Variants in TNFRSF13B observed in about 807,000 individuals in gnomAD.
TNFRSF13B encodes the protein TNF receptor superfamily member 13B.
TNFRSF13B carries 34 observed loss-of-function variants against 24.0 expected under a neutral mutation model. The ratio of observed to expected loss-of-function variants is 1.41; its 90% confidence interval spans 1.08 to 1.88. TNFRSF13B has a LOEUF of 1.88. Among genes scored for constraint, TNFRSF13B ranks in the 40% most tolerant of loss-of-function variants. The probability of loss-of-function intolerance (pLI) is 0.00; values close to 1 mark genes in which losing one functional copy is unlikely to be tolerated. For synonymous variants in TNFRSF13B, 173 were observed against 150.3 expected, an observed-to-expected ratio of 1.15 and a Z score of -1.10; for missense variants, 415 against 380.8, an observed-to-expected ratio of 1.09 and a Z score of -0.75.
At chr17:16,946,806 T>G (rs2087552947) in intron 3 of TNFRSF13B, among the ~76,000 whole-genome samples, 1 of 152,162 alleles carries the variant, frequency 6.6e-6, no homozygotes, top group South Asian at 2.1e-4. Flanking sequence ...CCGGCTGATC[T>G]TGAACTCCGA....
chr17:16,962,155 TA>T, intron 1 of TNFRSF13B, among the ~76,000 whole-genome samples: 1 of 152,164 alleles, frequency 6.6e-6, no homozygotes, highest in Non-Finnish European at 1.5e-5. Context: ...GGAGATGAAT[TA>T]CCTGCATGGA....
intron 1 of TNFRSF13B, among the ~76,000 whole-genome samples, chr17:16,963,797 G>A (rs145802221): frequency 0.027 from 4,039 of 152,260 alleles, 73 homozygotes; most frequent in Middle Eastern, 0.037. Context: ...TGATCCACCC[G>A]CCTCGGCCTC....
intron 2 of TNFRSF13B, among the ~76,000 whole-genome samples, chr17:16,949,808 C>T (rs1020386137): frequency 6.6e-6 from 1 of 152,014 alleles, no homozygotes; most frequent in Non-Finnish European, 1.5e-5. Flanking sequence ...GCCTCAGCCT[C>T]CCGAGTAGCT....
At chr17:16,942,830 G>A (rs1278865690) in intron 3 of TNFRSF13B, among the ~76,000 whole-genome samples, 2 of 152,218 alleles carry the variant, frequency 1.3e-5, no homozygotes, top group African/African-American at 4.8e-5. Context: ...CACACCCAGA[G>A]CACAGTCACC....
At chr17:16,948,699 C>A (rs748203977) in intron 3 of TNFRSF13B, 39 bp downstream of exon 3, 7 of 1,612,582 alleles carry the variant, frequency 4.3e-6, no homozygotes, top group Non-Finnish European at 5.9e-6. Flanking sequence ...GCTTTCTCAC[C>A]CTGCGTGACA....
chr17:16,962,088 C>G (rs1056220611), intron 1 of TNFRSF13B, among the ~76,000 whole-genome samples: 20 of 152,200 alleles, frequency 1.3e-4, no homozygotes, highest in African/African-American at 4.8e-4. Context: ...AGTGAAAATA[C>G]AGAAGTGATA....
At chr17:16,969,262 C>G (rs544595278) in intron 1 of TNFRSF13B, among the ~76,000 whole-genome samples, 1 of 152,250 alleles carries the variant, frequency 6.6e-6, no homozygotes, top group African/African-American at 2.4e-5. Context: ...TTCATAGAAG[C>G]TTTCTTAATA....
At chr17:16,966,180 G>A (rs552159418) in intron 1 of TNFRSF13B, among the ~76,000 whole-genome samples, 2 of 151,730 alleles carry the variant, frequency 1.3e-5, no homozygotes, top group Non-Finnish European at 2.9e-5. Context: ...CTCGAACCCA[G>A]TTGGGGGAAG....
At position 16,948,877 on chromosome 17, in the gene TNFRSF13B, G is replaced by T. The variant is rs774955611; in HGVS notation, c.306C>A (p.Tyr102Ter). The change falls in exon 3 of 5, where the codon TAC (tyrosine) becomes TAA (stop). Residue 102 changes from tyrosine (Y) to a stop codon, truncating the protein, a stop_gained. Coordinates refer to ENST00000261652, the MANE Select transcript of TNFRSF13B (RefSeq NM_012452.3). LOFTEE classifies it high-confidence loss of function. ...GGCTCCTGAGCTTGTTCTCACAGAA[G>T]TATGCACATTGCTTAGGGTGCTGTC... ...ICGQHPKQCAYFCENKLRSPV... is the reference protein window; with the variant it reads ...ICGQHPKQCA The T allele has an allele frequency of 5.6e-6, 9 of 1,614,192 alleles. No individual in the cohort carries two copies. The East Asian group carries it at 6.7e-5, about 12-fold the overall frequency.
chr17:16,940,347 T>C lies in TNFRSF13B; in HGVS notation c.610A>G (p.Ser204Gly), dbSNP rs902769673. The C allele has an allele frequency of 6.2e-7, 1 of 1,613,596 alleles. No individual in the cohort carries two copies. Among genetic ancestry groups the C allele is most frequent in the African/African-American group, 1.3e-5 (1 of 74,908 alleles). Reference sequence around the variant, plus strand: ...TCACCCTGGGAAGACTTGGCCGGACTTTGACGGGGCCTTGAGCGGGGCTGG... The same window carrying C: ...TCACCCTGGGAAGACTTGGCCGGACCTTGACGGGGCCTTGAGCGGGGCTGG... The part of the protein sequence containing the change: ...SCQPRSRPRQ[S>G]PAKSSQDHAM... The change falls in exon 4 of 5, where the codon AGT becomes GGT. Residue 204 changes from serine (S) to glycine (G), a missense_variant. Coordinates refer to ENST00000261652, the MANE Select transcript of TNFRSF13B (RefSeq NM_012452.3).
chr17:16,966,630 G>A (rs1288058662), intron 1 of TNFRSF13B, among the ~76,000 whole-genome samples: 1 of 152,212 alleles, frequency 6.6e-6, no homozygotes, highest in Middle Eastern at 3.4e-3. Context: ...TGGAAGGAGA[G>A]TAAATAGAAA....
At chr17:16,960,159 G>A (rs908876381) in intron 1 of TNFRSF13B, among the ~76,000 whole-genome samples, 1 of 152,030 alleles carries the variant, frequency 6.6e-6, no homozygotes, top group Non-Finnish European at 1.5e-5. Context: ...AAAACTTAGT[G>A]GTCTTCTCAA....
chr17:16,939,943 G>A (rs531249390), intron 4 of TNFRSF13B, 146 bp from the exon 5 acceptor site: 15 of 1,199,240 alleles, frequency 1.3e-5, no homozygotes, highest in Middle Eastern at 2.9e-4. Context: ...GTCAGTGTCC[G>A]CCAGTTGCTG....
intron 1 of TNFRSF13B, among the ~76,000 whole-genome samples, chr17:16,970,887 C>G (rs1205954321): frequency 1.3e-5 from 2 of 149,316 alleles, no homozygotes; most frequent in Non-Finnish European, 3.0e-5. Flanking sequence ...TGGCTGGACA[C>G]AAAAAAGGAC....
intron 3 of TNFRSF13B, chr17:16,940,924 G>A: frequency 9.1e-7 from 1 of 1,094,868 alleles, no homozygotes; most frequent in Non-Finnish European, 1.1e-6. Flanking sequence ...GTCGTCCCTT[G>A]GTATCCATGG....
intron 3 of TNFRSF13B, among the ~76,000 whole-genome samples, chr17:16,942,600 C>A (rs1421997648): frequency 6.6e-6 from 1 of 152,180 alleles, no homozygotes; most frequent in Non-Finnish European, 1.5e-5. Flanking sequence ...TGCTCCTATT[C>A]ACCTCTCAAA....
intron 3 of TNFRSF13B, among the ~76,000 whole-genome samples, chr17:16,944,703 A>G (rs1451157370): frequency 1.3e-5 from 2 of 151,516 alleles, no homozygotes; most frequent in Non-Finnish European, 2.9e-5. Context: ...CATTCTCCCC[A>G]CTCCCCATGC....
At chr17:16,967,611 G>A (rs1008408674) in intron 1 of TNFRSF13B, among the ~76,000 whole-genome samples, 2 of 151,510 alleles carry the variant, frequency 1.3e-5, no homozygotes. Flanking sequence ...AATTAGCCGG[G>A]CATGGTGGTG....
chr17:16,967,283 T>C (rs893469446), intron 1 of TNFRSF13B, among the ~76,000 whole-genome samples: 5 of 152,182 alleles, frequency 3.3e-5, no homozygotes, highest in African/African-American at 1.2e-4. Flanking sequence ...TCTCTGTATG[T>C]TGCTGTGGAA....
Sources: allele counts gnomAD v4.1 joint callset (sites outside exome capture counted in the v4.1 genomes callset), GRCh38; gene constraint gnomAD v4.1.1; transcripts MANE v1.5; gene names NCBI Gene and HGNC (gene_info 2026-07-23, HGNC 2026-07-21).